MTHFD1: variants seen among roughly 807,000 people sequenced by gnomAD.
MTHFD1 encodes the protein C-1-tetrahydrofolate synthase, cytoplasmic.
MTHFD1 carries 44 observed loss-of-function variants against 110.3 expected under a neutral mutation model. The observed-to-expected ratio is 0.40, with a 90% CI of 0.31 to 0.51. The LOEUF is 0.51. Among genes scored for constraint, MTHFD1 ranks in the 20% least tolerant of loss-of-function variants. The probability of loss-of-function intolerance (pLI) is 0.60; values close to 1 mark genes in which losing one functional copy is unlikely to be tolerated. For synonymous variants in MTHFD1, 402 were observed against 428.8 expected, an observed-to-expected ratio of 0.94 and a Z score of 0.77; for missense variants, 909 against 1,173.1, an observed-to-expected ratio of 0.77 and a Z score of 3.29.
rs571019785 is a variant in MTHFD1, at chr14:64,391,720, G to T, written c.41+3252G>T. The stretch of plus-strand genomic sequence containing the variant: ...AGTAACAGCCCCTTTTCTCCCTCAC[G>T]GGGAATTCTAAGTTTGCAGCCTGAA... On this transcript the variant is annotated intron_variant, in intron 1 of 27. Coordinates refer to ENST00000652337, the MANE Select transcript of MTHFD1 (RefSeq NM_005956.4). Among the ~76,000 whole-genome samples the T allele has an allele frequency of 2.3e-4, 35 of 152,292 alleles. No individual in the cohort carries two copies. In the South Asian group the frequency reaches 7.3e-3, roughly 32 times the overall value.
At chr14:64,444,581 CT>C (rs756021956) in intron 21 of MTHFD1, 111 bp from the exon 22 acceptor site, 140 of 1,170,928 alleles carry the variant, frequency 1.2e-4, no homozygotes, top group Admixed American at 2.3e-4. Context: ...TCTTATACTA[CT>C]GTACAGCCTG....
chr14:64,424,048 T>C (rs1251753459), intron 8 of MTHFD1, among the ~76,000 whole-genome samples: 1 of 152,144 alleles, frequency 6.6e-6, no homozygotes, highest in East Asian at 1.9e-4. Flanking sequence ...TCTTCTCAGT[T>C]GTGGCGATCT....
intron 8 of MTHFD1, 33 bp downstream of exon 8, chr14:64,419,958 G>A: frequency 6.9e-7 from 1 of 1,446,360 alleles, no homozygotes; most frequent in Non-Finnish European, 9.7e-7. Context: ...GGTGGCTGCT[G>A]GTATTGAGGA....
chr14:64,407,047 A>C (rs2077941320), intron 2 of MTHFD1, among the ~76,000 whole-genome samples: 1 of 152,210 alleles, frequency 6.6e-6, no homozygotes, highest in Non-Finnish European at 1.5e-5. Flanking sequence ...ATTCAAGAAC[A>C]TTCATGATCT....
Position 64,448,312 on chromosome 14 carries a change from A to C in MTHFD1, c.2274A>C (p.Ala758=), listed in dbSNP as rs761077790. 3 of 1,609,762 alleles carry C rather than the reference A, an allele frequency of 1.9e-6. No individual in the cohort carries two copies. Among genetic ancestry groups the C allele is most frequent in the Non-Finnish European group, 2.6e-6 (3 of 1,175,934 alleles). Residue 758 remains alanine (A), a synonymous_variant, in exon 23 of 28, where the codon GCA becomes GCC. Transcript: ENST00000652337. ...FGIPVVVAVN[A]FKTDTESELD... ...TTCCAGTAGTAGTGGCCGTGAATGC[A>C]TTCAAGTAAGTGTAGAGTGTAAGCG...
chr14:64,415,780 T>A, intron 6 of MTHFD1, 41 bp downstream of exon 6: 1 of 1,595,754 alleles, frequency 6.3e-7, no homozygotes, highest in South Asian at 1.1e-5. Flanking sequence ...CACCATTTCC[T>A]GAATCCTGGT....
intron 16 of MTHFD1, among the ~76,000 whole-genome samples, chr14:64,437,949 C>A (rs1246070317): frequency 6.6e-6 from 1 of 152,154 alleles, no homozygotes; most frequent in African/African-American, 2.4e-5. Flanking sequence ...TCTCAGCTCA[C>A]TGCAACCTCT....
intron 16 of MTHFD1, among the ~76,000 whole-genome samples, chr14:64,438,826 G>T (rs1190365290): frequency 6.6e-6 from 1 of 152,142 alleles, no homozygotes; most frequent in African/African-American, 2.4e-5. Flanking sequence ...CTTTAAAATA[G>T]ATTCCAGATT....
intron 21 of MTHFD1, among the ~76,000 whole-genome samples, chr14:64,443,647 A>G (rs2078265357): frequency 6.6e-6 from 1 of 152,136 alleles, no homozygotes; most frequent in South Asian, 2.1e-4. Context: ...CTGAGTGCCA[A>G]AGGCACTCCC....
intron 12 of MTHFD1, among the ~76,000 whole-genome samples, chr14:64,428,116 T>G (rs976191294): frequency 1.4e-5 from 2 of 146,754 alleles, no homozygotes; most frequent in East Asian, 3.9e-4. Context: ...TTTTTTTTTT[T>G]TTTTTTTTTT....
chr14:64,458,819 G>C (rs2078517320), intron 27 of MTHFD1, among the ~76,000 whole-genome samples: 1 of 152,194 alleles, frequency 6.6e-6, no homozygotes, highest in Non-Finnish European at 1.5e-5. Flanking sequence ...ACTGCAATGA[G>C]TGACATTGCA....
chr14:64,442,354 G>T lies in MTHFD1; in HGVS notation c.2088G>T (p.Val696=). 6.2e-7 allele frequency: 1 copy of T among 1,614,260 alleles called. No homozygotes were observed. The highest frequency in any genetic ancestry group is 8.5e-7 in the Non-Finnish European group (1 of 1,180,044). Residue 696 remains valine, a synonymous_variant, in exon 21 of 28, where the codon GTG becomes GTT. Transcript: ENST00000652337. The part of the protein sequence containing the change: ...RYSGLCPHVV[V]LVATVRALKM... ...CCGGCCTCTGCCCCCACGTGGTGGT[G>T]CTTGTTGCCACTGTCAGGGCTCTCA...
At chr14:64,437,154 T>C (rs891948355) in intron 16 of MTHFD1, among the ~76,000 whole-genome samples, 14 of 152,146 alleles carry the variant, frequency 9.2e-5, no homozygotes, top group Non-Finnish European at 2.1e-4. Flanking sequence ...TCATTTTGTG[T>C]GTGTGTGTGT....
rs752697284 is a variant in MTHFD1, at chr14:64,435,597, C to A, written c.1523C>A (p.Thr508Asn). The A allele has an allele frequency of 7.5e-6, 12 of 1,610,242 alleles. No individual in the cohort carries two copies. Among genetic ancestry groups the A allele is most frequent in the Non-Finnish European group, 1.0e-5 (12 of 1,176,602 alleles). The change falls in exon 16 of 28, where the codon ACC becomes AAC. Residue 508 changes from threonine (T) to asparagine (N), a missense_variant. This residue lies in a region of MTHFD1 where 482 missense variants were observed against 646.0 expected (regional missense o/e 0.75). Coordinates refer to ENST00000652337, the MANE Select transcript of MTHFD1 (RefSeq NM_005956.4). ...CTAGGCATTGAAAAGACTGACCCTACCACACTGACAGATGAAGAGATAAAC... is the reference window on the plus strand; with the variant it reads ...CTAGGCATTGAAAAGACTGACCCTAACACACTGACAGATGAAGAGATAAAC... ...KRLGIEKTDP[T>N]TLTDEEINRF...
At position 64,449,599 on chromosome 14, in the gene MTHFD1, T is replaced by C; in HGVS notation, c.2434T>C (p.Phe812Leu). The change falls in exon 24 of 28, where the codon TTC becomes CTC. Residue 812 changes from phenylalanine (F) to leucine (L), a missense_variant. Phe to Leu is a conservative substitution (Grantham distance 22). Coordinates refer to ENST00000652337, the MANE Select transcript of MTHFD1 (RefSeq NM_005956.4). The part of the protein sequence containing the change: ...VQRAAQAPSS[F>L]QLLYDLKLPV... ...GAGAGCAGCACAAGCACCCAGCAGC[T>C]TCCAGCTCCTTTATGACCTCAAGGT... 1 of 1,614,158 alleles carries C rather than the reference T, an allele frequency of 6.2e-7. No homozygotes were observed. The highest frequency in any genetic ancestry group is 8.5e-7 in the Non-Finnish European group (1 of 1,180,026).
rs372300701 is a variant in MTHFD1, at chr14:64,441,055, A to G, written c.1816-330A>G. The G allele has an allele frequency of 3.5e-3, 1,232 of 348,742 alleles. 35 individuals carry two copies. Among genetic ancestry groups the G allele is most frequent in the South Asian group, 0.028 (1,173 of 42,284 alleles). 21.6% of individuals were successfully genotyped at this position (348,742 alleles called of 1,614,324 possible). A position where few individuals can be genotyped will look rare whatever the true frequency, so the allele number is the denominator to read the frequency against. On this transcript the variant is annotated intron_variant, in intron 18 of 27. Coordinates refer to ENST00000652337, the MANE Select transcript of MTHFD1 (RefSeq NM_005956.4). ...AAATACAAAAAAATTAGCCGGGCAT[A>G]GTGGCGGGTGCCTGTAGTCCCAGCT...
At chr14:64,421,460 T>C (rs995370231) in intron 8 of MTHFD1, among the ~76,000 whole-genome samples, 1 of 152,094 alleles carries the variant, frequency 6.6e-6, no homozygotes, top group Non-Finnish European at 1.5e-5. Context: ...TCCCTCCCAC[T>C]CTCCCTACCG....
chr14:64,412,459 GT>G lies in MTHFD1; in HGVS notation c.187-12del, dbSNP rs1566559648. 1 of 1,606,592 alleles carries G rather than the reference GT, an allele frequency of 6.2e-7. No homozygotes were observed. Among genetic ancestry groups the G allele is most frequent in the South Asian group, 1.1e-5 (1 of 90,936 alleles). ...GTCTTGCCATTTACCTGCTTTTAAT[GT>G]CTGTTTTGCAGATTGGGATCAAAGC... On this transcript the variant is annotated splice_polypyrimidine_tract_variant and intron_variant, in intron 3 of 27. Coordinates refer to ENST00000652337, the MANE Select transcript of MTHFD1 (RefSeq NM_005956.4).
At chr14:64,416,113 C>T (rs903150752) in intron 6 of MTHFD1, among the ~76,000 whole-genome samples, 3 of 152,056 alleles carry the variant, frequency 2.0e-5, no homozygotes, top group African/African-American at 4.8e-5. Flanking sequence ...GGCAGGGTGG[C>T]ATGCACCTGT....
Sources: gnomAD v4.1 joint callset for allele counts (sites outside exome capture counted in the v4.1 genomes callset) on GRCh38, gnomAD v4.1.1 for gene constraint, gnomAD v4.1.1 regional missense constraint, MANE v1.5 for transcripts, NCBI Gene and HGNC (gene_info 2026-07-23, HGNC 2026-07-21) for gene names.